Variants in WDR72 observed in about 807,000 individuals in gnomAD.
The protein encoded by WDR72 is WD repeat domain 72.
WDR72 carries 120 observed loss-of-function variants against 124.2 expected under a neutral mutation model. The ratio of observed to expected loss-of-function variants is 0.97; its 90% confidence interval spans 0.83 to 1.12. The LOEUF (loss-of-function observed/expected upper bound fraction) is 1.12, where lower values mean the gene tolerates loss of function less well. WDR72 is among the 50% of genes most tolerant of loss of function. The pLI, the probability that WDR72 is intolerant of heterozygous loss-of-function variation, is 0.00. For synonymous variants in WDR72, 452 were observed against 441.7 expected (o/e 1.02, Z -0.29); for missense variants, 1,387 against 1,278.8 (o/e 1.08, Z -1.29).
intron 1 of WDR72, among the ~76,000 whole-genome samples, chr15:53,741,853 G>A (rs1314587642): frequency 1.3e-5 from 2 of 151,712 alleles, no homozygotes; most frequent in Non-Finnish European, 2.9e-5. Flanking sequence ...TCAGCCTCCC[G>A]AGTAGCTGGG....
At chr15:53,535,748 T>C (rs1229123083) in intron 18 of WDR72, among the ~76,000 whole-genome samples, 3 of 152,250 alleles carry the variant, frequency 2.0e-5, no homozygotes, top group East Asian at 3.9e-4. Context: ...ATTGGCCTTA[T>C]TCCAAGACTA....
At position 53,703,720 on chromosome 15, in the gene WDR72, T is replaced by C. The variant is rs932105710; in HGVS notation, c.1348+1268A>G. On this transcript the variant is annotated intron_variant, in intron 11 of 19. Coordinates refer to ENST00000360509, the MANE Select transcript of WDR72 (RefSeq NM_182758.4). ...CCCACTAACCACACTGCTTCTTCCTTCATCATTAGCTAAACTCCCCCAAAC... is the reference window on the plus strand; with the variant it reads ...CCCACTAACCACACTGCTTCTTCCTCCATCATTAGCTAAACTCCCCCAAAC... Among the ~76,000 whole-genome samples the C allele has an allele frequency of 2.0e-5, 3 of 152,020 alleles. 1 individual carries two copies. The highest frequency in any genetic ancestry group is 1.3e-4 in the Admixed American group (2 of 15,258).
intron 14 of WDR72, among the ~76,000 whole-genome samples, chr15:53,641,761 T>C (rs763857872): frequency 1.3e-5 from 2 of 151,954 alleles, no homozygotes; most frequent in African/African-American, 2.4e-5. Flanking sequence ...AATTCCATTG[T>C]ACATTCTAAT....
intron 1 of WDR72, among the ~76,000 whole-genome samples, chr15:53,750,007 G>A (rs911874133): frequency 2.6e-5 from 4 of 152,198 alleles, no homozygotes; most frequent in African/African-American, 4.8e-5. Flanking sequence ...AGCAAGTGCT[G>A]ATGGAGAAGC....
intron 18 of WDR72, among the ~76,000 whole-genome samples, chr15:53,595,681 G>C (rs1338857276): frequency 6.6e-6 from 1 of 152,022 alleles, no homozygotes; most frequent in African/African-American, 2.4e-5. Flanking sequence ...ATGACACTAT[G>C]GGCAGCCCTC....
chr15:53,651,453 A>G (rs1326564374), intron 14 of WDR72, among the ~76,000 whole-genome samples: 2 of 152,238 alleles, frequency 1.3e-5, no homozygotes, highest in Non-Finnish European at 2.9e-5. Context: ...TGTATCAAGA[A>G]GAGTGCCTGG....
chr15:53,625,048 AAGT>A (rs2014149089), intron 14 of WDR72, among the ~76,000 whole-genome samples: 1 of 152,368 alleles, frequency 6.6e-6, no homozygotes, highest in South Asian at 2.1e-4. Context: ...AGTCTATTAA[AAGT>A]AGCATGCTAA....
intron 13 of WDR72, among the ~76,000 whole-genome samples, chr15:53,686,531 C>A (rs902881737): frequency 6.6e-6 from 1 of 151,948 alleles, no homozygotes; most frequent in Non-Finnish European, 1.5e-5. Flanking sequence ...TATATATGCA[C>A]TCAACACAAG....
At chr15:53,618,158 G>A (rs971542469) in intron 14 of WDR72, among the ~76,000 whole-genome samples, 1 of 151,744 alleles carries the variant, frequency 6.6e-6, no homozygotes, top group Non-Finnish European at 1.5e-5. Flanking sequence ...TTTTACCCCT[G>A]CATACTGTCA....
rs118064749 is a variant in WDR72 at position 53,714,261 on chromosome 15, T to A, written c.591+173A>T. ...AGGTTGGAAGGATACAAGCCAAGTG[T>A]ACCAAGGCTCACCCCTGGGAAGATG... On this transcript the variant is annotated intron_variant, in intron 6 of 19. Transcript: ENST00000360509. Among the ~76,000 whole-genome samples the A allele has an allele frequency of 5.2e-4, 79 of 152,076 alleles. No individual in the cohort carries two copies. In the East Asian group the frequency reaches 0.012, roughly 23 times the overall value.
intron 3 of WDR72, among the ~76,000 whole-genome samples, 161 bp from the exon 4 acceptor site, chr15:53,716,846 T>C (rs2017726615): frequency 6.6e-6 from 1 of 152,196 alleles, no homozygotes; most frequent in African/African-American, 2.4e-5. Flanking sequence ...AGGGATGACA[T>C]ACTGTATCTG....
chr15:53,726,553 C>T (rs909446300), intron 2 of WDR72, among the ~76,000 whole-genome samples: 1 of 151,922 alleles, frequency 6.6e-6, no homozygotes, highest in Non-Finnish European at 1.5e-5. Flanking sequence ...TTTAAAATAT[C>T]GATGCTGGCC....
chr15:53,590,685 G>A (rs959166575), intron 18 of WDR72, among the ~76,000 whole-genome samples: 5 of 152,060 alleles, frequency 3.3e-5, no homozygotes, highest in Admixed American at 6.6e-5. Flanking sequence ...TTGATTCCCC[G>A]CTCTGCCACT....
Position 53,702,229 on chromosome 15 carries a change from T to C in WDR72, c.1474A>G (p.Ile492Val). Residue 492 changes from isoleucine to valine, a missense_variant, in exon 12 of 20, where the codon ATC (isoleucine) becomes GTC (valine). Coordinates refer to ENST00000360509, the MANE Select transcript of WDR72 (RefSeq NM_182758.4). ...MLSGDLDSCV[I>V]LWDIFTEEIL... is the part of the protein sequence containing the mutation. The stretch of plus-strand genomic sequence containing the variant: ...TCTTCAGTAAAGATATCCCACAAGA[T>C]CACACATGAGTCCAGGTCCCCAGAC... 6.2e-7 allele frequency: 1 copy of C among 1,614,122 alleles called. No individual in the cohort carries two copies. Among genetic ancestry groups the C allele is most frequent in the Non-Finnish European group, 8.5e-7 (1 of 1,180,012 alleles).
chr15:53,606,761 C>G (rs2013302657), intron 17 of WDR72, among the ~76,000 whole-genome samples: 1 of 152,018 alleles, frequency 6.6e-6, no homozygotes, highest in Admixed American at 6.6e-5. Flanking sequence ...ACAGTAAGAT[C>G]CTGAGTTCAA....
chr15:53,518,307 T>A (rs951111730), intron 19 of WDR72, among the ~76,000 whole-genome samples: 1 of 152,104 alleles, frequency 6.6e-6, no homozygotes, highest in Non-Finnish European at 1.5e-5. Flanking sequence ...TGGAACATTG[T>A]TCCTTAATAA....
chr15:53,609,301 C>T (rs549283574), intron 17 of WDR72, among the ~76,000 whole-genome samples: 2 of 152,254 alleles, frequency 1.3e-5, no homozygotes, highest in East Asian at 3.9e-4. Context: ...AAGAACCTCC[C>T]TCCCTCAGCC....
intron 4 of WDR72, 69 bp from the exon 5 acceptor site, chr15:53,715,436 G>C: frequency 6.4e-7 from 1 of 1,571,188 alleles, no homozygotes; most frequent in East Asian, 2.3e-5. Context: ...CTACATTGAA[G>C]ATTTCTCTAG....
intron 13 of WDR72, among the ~76,000 whole-genome samples, chr15:53,685,028 C>A (rs538443091): frequency 6.6e-6 from 1 of 152,164 alleles, no homozygotes. Flanking sequence ...AACTAATAAA[C>A]GGAAAGGACA....
Sources: gnomAD v4.1 joint callset for allele counts (sites outside exome capture counted in the v4.1 genomes callset) on GRCh38, gnomAD v4.1.1 for gene constraint, MANE v1.5 for transcripts, NCBI Gene and HGNC (gene_info 2026-07-23, HGNC 2026-07-21) for gene names.